Variants in MPHOSPH6 observed in about 807,000 individuals in gnomAD.
MPHOSPH6 encodes the protein M-phase phosphoprotein 6.
Under a neutral mutation model 21.8 loss-of-function variants are expected in MPHOSPH6, and 25 were observed. That is an observed-to-expected ratio of 1.15 (90% confidence interval 0.83 to 1.60). The LOEUF (loss-of-function observed/expected upper bound fraction) is 1.60, where lower values mean the gene tolerates loss of function less well. Ranked by LOEUF, MPHOSPH6 falls within the 40% of genes most tolerant of loss-of-function variation. The probability of loss-of-function intolerance (pLI) is 0.00; values close to 1 mark genes in which losing one functional copy is unlikely to be tolerated. For missense variants in MPHOSPH6, 269 were observed against 181.8 expected (o/e 1.48, Z -2.76); for synonymous variants, 84 against 56.5 (o/e 1.49, Z -2.18).
chr16:82,167,372 C>G (rs1316699194), intron 1 of MPHOSPH6, among the ~76,000 whole-genome samples: 1 of 152,182 alleles, frequency 6.6e-6, no homozygotes, highest in Non-Finnish European at 1.5e-5. Flanking sequence ...AAAGTGGTCC[C>G]CAACCTTTTT....
chr16:82,151,591 A>G, intron 2 of MPHOSPH6, 77 bp from the exon 3 acceptor site: 11 of 1,469,662 alleles, frequency 7.5e-6, no homozygotes, highest in Non-Finnish European at 9.0e-6. Context: ...GAATAAAAAA[A>G]ATAATCAACC....
intron 2 of MPHOSPH6, among the ~76,000 whole-genome samples, chr16:82,161,931 C>T (rs1442245919): frequency 1.3e-5 from 2 of 152,224 alleles, no homozygotes; most frequent in African/African-American, 4.8e-5. Flanking sequence ...AAAGTCGAGA[C>T]TTTCAGAGCA....
At position 82,151,521 on chromosome 16, in the gene MPHOSPH6, G is replaced by C. The variant is rs1184062663; in HGVS notation, c.165-7C>G. Reference sequence around the variant, plus strand: ...CTCTTCTATTATGAAACTCCTAAATGGGAAAATAAAAATAGCATTTCTCCA... The same window carrying C: ...CTCTTCTATTATGAAACTCCTAAATCGGAAAATAAAAATAGCATTTCTCCA... On this transcript the variant is annotated splice_polypyrimidine_tract_variant and splice_region_variant and intron_variant, in intron 2 of 4. Transcript: ENST00000258169. The C allele has an allele frequency of 3.2e-6, 5 of 1,564,736 alleles. No individual in the cohort carries two copies. Among genetic ancestry groups the C allele is most frequent in the Non-Finnish European group, 4.3e-6 (5 of 1,160,054 alleles).
At chr16:82,161,083 T>C (rs1324189029) in intron 2 of MPHOSPH6, among the ~76,000 whole-genome samples, 1 of 152,206 alleles carries the variant, frequency 6.6e-6, no homozygotes, top group Non-Finnish European at 1.5e-5. Flanking sequence ...AACTTTCCAC[T>C]CTTCATCAAA....
At chr16:82,155,725 G>A (rs903580597) in intron 2 of MPHOSPH6, among the ~76,000 whole-genome samples, 3 of 152,090 alleles carry the variant, frequency 2.0e-5, no homozygotes, top group East Asian at 1.9e-4. Flanking sequence ...CCAACACGGA[G>A]AAACAGTGTC....
chr16:82,149,038 C>A (rs1202231788), intron 4 of MPHOSPH6, among the ~76,000 whole-genome samples, 175 bp from the exon 5 acceptor site: 1 of 152,212 alleles, frequency 6.6e-6, no homozygotes, highest in African/African-American at 2.4e-5. Flanking sequence ...GATTAAATTC[C>A]TTGCCATTTT....
chr16:82,155,170 C>T (rs76334198), intron 2 of MPHOSPH6, among the ~76,000 whole-genome samples: 5 of 152,028 alleles, frequency 3.3e-5, no homozygotes, highest in African/African-American at 9.7e-5. Flanking sequence ...CAGCAAACTA[C>T]GAAAATAAAG....
intron 1 of MPHOSPH6, among the ~76,000 whole-genome samples, chr16:82,169,403 C>A (rs915528836): frequency 1.3e-5 from 2 of 152,122 alleles, no homozygotes; most frequent in Admixed American, 1.3e-4. Context: ...TAGAGACTAC[C>A]CTGCGAGACT....
intron 2 of MPHOSPH6, chr16:82,162,131 A>G (rs1906625909): frequency 6.6e-6 from 1 of 152,180 alleles, no homozygotes; most frequent in Admixed American, 6.5e-5. Flanking sequence ...ATATTACCTC[A>G]TCTACTTCTC....
chr16:82,149,627 G>C (rs1567610999), intron 3 of MPHOSPH6, among the ~76,000 whole-genome samples: 1 of 152,212 alleles, frequency 6.6e-6, no homozygotes, highest in African/African-American at 2.4e-5. Flanking sequence ...TACTTAGGGT[G>C]AATTTAAAGT....
intron 1 of MPHOSPH6, among the ~76,000 whole-genome samples, chr16:82,166,415 G>C (rs1906781729): frequency 6.6e-6 from 1 of 152,170 alleles, no homozygotes; most frequent in East Asian, 1.9e-4. Context: ...ACTCTTTTAA[G>C]CCTACAGTGT....
At chr16:82,154,625 C>T (rs1906372242) in intron 2 of MPHOSPH6, among the ~76,000 whole-genome samples, 1 of 149,976 alleles carries the variant, frequency 6.7e-6, no homozygotes, top group Admixed American at 6.6e-5. Flanking sequence ...TGCAAAAAAA[C>T]ACCAATAGAA....
Position 82,149,875 on chromosome 16 carries a change from T to C in MPHOSPH6, c.256-472A>G, listed in dbSNP as rs141271597. Among the ~76,000 whole-genome samples the C allele has an allele frequency of 6.0e-4, 90 of 149,586 alleles. 1 individual carries two copies. In the East Asian group the frequency reaches 0.011, roughly 18 times the overall value. ...GGAGAAGTGGAAGGCTGGCCCTGTT[T>C]AATGGAGGGAATCTGCACCTCAGCC... On this transcript the variant is annotated intron_variant, in intron 3 of 4. Transcript: ENST00000258169.
intron 2 of MPHOSPH6, among the ~76,000 whole-genome samples, chr16:82,161,259 G>A (rs191513993): frequency 4.7e-4 from 72 of 152,296 alleles, no homozygotes; most frequent in African/African-American, 1.6e-3. Context: ...ATGGGTGGAA[G>A]GAAAGGCTAT....
intron 2 of MPHOSPH6, among the ~76,000 whole-genome samples, chr16:82,154,773 CTTCA>C (rs1906377423): frequency 6.6e-6 from 1 of 152,198 alleles, no homozygotes; most frequent in South Asian, 2.1e-4. Flanking sequence ...ACAGAGAAAG[CTTCA>C]GATCCAGATG....
At chr16:82,151,067 AAC>A (rs1338882510) in intron 3 of MPHOSPH6, 1 of 164,592 alleles carries the variant, frequency 6.1e-6, no homozygotes, top group Non-Finnish European at 1.3e-5. Flanking sequence ...ATTCTAAAGT[AAC>A]ATTTTTCCGT....
At chr16:82,149,819 T>C (rs1555538985) in intron 3 of MPHOSPH6, among the ~76,000 whole-genome samples, 2 of 152,056 alleles carry the variant, frequency 1.3e-5, no homozygotes, top group Non-Finnish European at 2.9e-5. Flanking sequence ...AATGCATCTC[T>C]TGGTGGTGGT....
At chr16:82,165,800 T>C (rs1209644891) in intron 1 of MPHOSPH6, among the ~76,000 whole-genome samples, 1 of 44,528 alleles carries the variant, frequency 2.2e-5, no homozygotes, top group Non-Finnish European at 7.3e-5. Flanking sequence ...TTTGCGTAGA[T>C]GAACCCTATG....
Position 82,170,179 on chromosome 16 carries a change from A to T in MPHOSPH6, c.-4T>A, listed in dbSNP as rs779414019. On this transcript the variant is annotated 5_prime_UTR_variant, in exon 1 of 5. Transcript: ENST00000258169. ...TTGTCTTTCGCTCGGCCGCCATGGT[A>T]GCTTCCGCCCAGCGCCGCACTCCGG... 2 of 1,588,132 alleles carry T rather than the reference A, an allele frequency of 1.3e-6. No homozygotes were observed. Among genetic ancestry groups the T allele is most frequent in the Non-Finnish European group, 1.7e-6 (2 of 1,168,364 alleles).
Sources: gnomAD v4.1 joint callset for allele counts (sites outside exome capture counted in the v4.1 genomes callset) on GRCh38, gnomAD v4.1.1 for gene constraint, MANE v1.5 for transcripts, NCBI Gene and HGNC (gene_info 2026-07-23, HGNC 2026-07-21) for gene names.